The following USP9X variants were observed in gnomAD, a reference collection of about 807,000 sequenced individuals.
The protein encoded by USP9X is ubiquitin carboxyl-terminal hydrolase 9X.
A neutral mutation model predicts 190.3 loss-of-function variants in USP9X; 7 were observed. The observed-to-expected ratio is 0.04, with a 90% CI of 0.02 to 0.07. The LOEUF is 0.07. USP9X is among the 10% of genes least tolerant of loss of function. The probability of loss-of-function intolerance (pLI) is 1.00; values close to 1 mark genes in which losing one functional copy is unlikely to be tolerated. For synonymous variants in USP9X, 645 were observed against 659.5 expected, an observed-to-expected ratio of 0.98 and a Z score of 0.34; for missense variants, 1,010 against 1,916.9, an observed-to-expected ratio of 0.53 and a Z score of 8.83.
At chrX:41,190,451 C>T (rs1220697394) in intron 26 of USP9X, among the ~76,000 whole-genome samples, 1 of 111,020 alleles carries the variant, frequency 9.0e-6, no homozygotes, top group Non-Finnish European at 1.9e-5. Flanking sequence ...AAACTCTTAA[C>T]AGGATCCCCA....
At chrX:41,126,906 T>C (rs2062259410) in intron 2 of USP9X, among the ~76,000 whole-genome samples, 2 of 111,142 alleles carry the variant, frequency 1.8e-5, no homozygotes, top group Admixed American at 9.7e-5. Flanking sequence ...TTTTTAAGCA[T>C]GCCTTTAAAA....
At chrX:41,196,088 G>A in intron 26 of USP9X, 163 bp from the exon 27 acceptor site, 1 of 555,528 alleles carries the variant, frequency 1.8e-6, no homozygotes, top group Non-Finnish European at 3.0e-6. Flanking sequence ...TGTGGTGTTG[G>A]CTTGAGTGCT....
chrX:41,217,414 T>G, intron 36 of USP9X, 71 bp downstream of exon 36: 1 of 1,069,230 alleles, frequency 9.4e-7, no homozygotes, highest in South Asian at 2.8e-5. Flanking sequence ...TTGCTTTATG[T>G]TTTTCTAAAC....
intron 6 of USP9X, among the ~76,000 whole-genome samples, chrX:41,137,738 T>C (rs1423505564): frequency 9.0e-6 from 1 of 111,515 alleles, no homozygotes; most frequent in African/African-American, 3.2e-5. Context: ...CAAACTTAAG[T>C]TGAGATTTTC....
chrX:41,154,882 ATAGT>A (rs1425562005), intron 14 of USP9X, among the ~76,000 whole-genome samples: 1 of 111,072 alleles, frequency 9.0e-6, no homozygotes, highest in African/African-American at 3.3e-5. Context: ...GAGTCTGGAG[ATAGT>A]TAAATATGGG....
Position 41,170,053 on chromosome X carries a change from G to A in USP9X, c.2695G>A (p.Val899Ile). ...TCGATTTCCAAACCAGGGCAGACAG[G>A]TTGATGACTTGGAGGTATGGTCTCA... is the stretch of plus-strand genomic sequence containing the variant. ...VVRFPNQGRQ[V>I]DDLEVWSHTN... The change falls in exon 19 of 45, where the codon GTT (valine) becomes ATT (isoleucine). Residue 899 changes from valine to isoleucine, a missense_variant. By Grantham distance (29) the Val-to-Ile change is conservative (BLOSUM62 3). Transcript: ENST00000378308. 1.7e-6 allele frequency: 2 copies of A among 1,211,419 alleles called. No individual in the cohort carries two copies. Among genetic ancestry groups the A allele is most frequent in the Non-Finnish European group, 1.1e-6 (1 of 895,296 alleles).
At chrX:41,171,659 A>G (rs952407639) in intron 20 of USP9X, 179 bp from the exon 21 acceptor site, 9 of 542,185 alleles carry the variant, frequency 1.7e-5, no homozygotes, top group South Asian at 7.4e-5. Context: ...TTGATGATGT[A>G]TTTGATCTGC....
chrX:41,122,144 A>G (rs2062195584), intron 1 of USP9X, among the ~76,000 whole-genome samples: 1 of 110,628 alleles, frequency 9.0e-6, no homozygotes, highest in Non-Finnish European at 1.9e-5. Flanking sequence ...CGGGGATCTT[A>G]ACAGAAATTT....
At chrX:41,106,717 G>C (rs12353834) in intron 1 of USP9X, among the ~76,000 whole-genome samples, 1 of 107,131 alleles carries the variant, frequency 9.3e-6, no homozygotes, top group African/African-American at 3.4e-5. Context: ...TTTTAGTAGA[G>C]ATGGGGTTTT....
At chrX:41,217,841 G>A (rs749735757) in intron 36 of USP9X, among the ~76,000 whole-genome samples, 249 of 111,808 alleles carry the variant, frequency 2.2e-3, no homozygotes, top group African/African-American at 8.0e-3. Flanking sequence ...AGTGAGCCAT[G>A]ACTGTGCCAC....
intron 1 of USP9X, among the ~76,000 whole-genome samples, chrX:41,118,740 T>C (rs182348775): frequency 4.2e-4 from 47 of 112,079 alleles, no homozygotes; most frequent in Non-Finnish European, 7.9e-4. Context: ...TCCTACCCTT[T>C]TGTGAATAGT....
At chrX:41,205,603 G>A in intron 32 of USP9X, 110 bp downstream of exon 32, 1 of 674,029 alleles carries the variant, frequency 1.5e-6, no homozygotes, top group Non-Finnish European at 2.1e-6. Context: ...TTAAGCACTG[G>A]TAATATTCAA....
chrX:41,171,649 T>TTGA (rs748501050), intron 20 of USP9X, 189 bp from the exon 21 acceptor site: 10 of 510,006 alleles, frequency 2.0e-5, no homozygotes, highest in Non-Finnish European at 3.4e-5. Flanking sequence ...TGGAAGTGAC[T>TTGA]TGATGATGTA....
chrX:41,151,737 T>C (rs1367552734), intron 13 of USP9X, among the ~76,000 whole-genome samples: 3 of 112,430 alleles, frequency 2.7e-5, no homozygotes, highest in Admixed American at 1.9e-4. Flanking sequence ...TCCCAGAACT[T>C]TGGGAGGCCG....
chrX:41,086,079 C>T lies in USP9X; in HGVS notation c.-189C>T, dbSNP rs2061908202. The stretch of plus-strand genomic sequence containing the variant: ...CCTGGTGCCTCCCGCCTCCGTGTGC[C>T]CTGGTTGTGAGAAGACGTCTGTGTC... On this transcript the variant is annotated 5_prime_UTR_variant, in exon 1 of 45. Transcript: ENST00000378308. The T allele has an allele frequency of 1.0e-5, 3 of 296,190 alleles. No homozygotes were observed. Among genetic ancestry groups the T allele is most frequent in the South Asian group, 4.2e-4 (2 of 4,788 alleles). 24.4% of individuals were successfully genotyped at this position (296,190 alleles called of 1,213,427 possible).
chrX:41,153,126 C>CT (rs779881163), intron 14 of USP9X, 45 bp downstream of exon 14: 2 of 1,123,592 alleles, frequency 1.8e-6, no homozygotes, highest in East Asian at 3.1e-5. Context: ...TAGCAGGGAC[C>CT]TTTTTTTGCA....
At chrX:41,171,265 G>C (rs2062722859) in intron 20 of USP9X, among the ~76,000 whole-genome samples, 1 of 111,762 alleles carries the variant, frequency 8.9e-6, no homozygotes. Context: ...GAGCCCAGGA[G>C]TTCTAGGCTG....
chrX:41,117,018 C>G (rs2062152891), intron 1 of USP9X, among the ~76,000 whole-genome samples: 1 of 111,389 alleles, frequency 9.0e-6, no homozygotes, highest in South Asian at 3.7e-4. Context: ...AGAGATGCAG[C>G]AGAGTATGCT....
intron 24 of USP9X, 148 bp from the exon 25 acceptor site, chrX:41,187,844 T>G (rs1602014226): frequency 3.5e-6 from 2 of 566,617 alleles, no homozygotes; most frequent in East Asian, 8.2e-5. Context: ...TTTTTTTTTT[T>G]TTTTAAGACA....
Sources: allele counts gnomAD v4.1 joint callset (sites outside exome capture counted in the v4.1 genomes callset), GRCh38; gene constraint gnomAD v4.1.1; transcripts MANE v1.5; gene names NCBI Gene and HGNC (gene_info 2026-07-23, HGNC 2026-07-21).